MSR1: variants seen among roughly 807,000 people sequenced by gnomAD.
MSR1 encodes macrophage scavenger receptor 1, also known as macrophage scavenger receptor types I and II.
MSR1 carries 53 observed loss-of-function variants against 47.2 expected under a neutral mutation model. The ratio of observed to expected loss-of-function variants is 1.12; its 90% CI spans 0.90 to 1.41. The LOEUF (loss-of-function observed/expected upper bound fraction) is 1.41, where lower values mean the gene tolerates loss of function less well. Among genes scored for constraint, MSR1 ranks in the 40% most tolerant of loss-of-function variants. MSR1 has a pLI of 0.00. For missense variants in MSR1, 786 were observed against 546.9 expected, an observed-to-expected ratio of 1.44 and a Z score of -4.36; for synonymous variants, 239 against 185.6, an observed-to-expected ratio of 1.29 and a Z score of -2.34.
chr8:16,121,119 C>T, intron 8 of MSR1: 1 of 428,096 alleles, frequency 2.3e-6, no homozygotes, highest in Non-Finnish European at 4.6e-6. Flanking sequence ...AACAAGGGAA[C>T]TATAGTGACA....
rs35527152 is a variant in MSR1 at position 16,155,203 on chromosome 8, C to T, written c.818-59G>A. The T allele has an allele frequency of 3.9e-5, 50 of 1,276,532 alleles. No individual in the cohort carries two copies. The African/African-American group carries it at 6.7e-4, about 17-fold the overall frequency. 79.1% of individuals were successfully genotyped at this position (1,276,532 alleles called of 1,614,324 possible). ...TAAAGCATAGGAAAAATGGGTTAGT[C>T]ATCTGTCAAGGTACTTATATAAGGA... On this transcript the variant is annotated intron_variant, in intron 5 of 9. Transcript: ENST00000262101.
intron 7 of MSR1, 37 bp downstream of exon 7, chr8:16,150,194 A>T: frequency 2.3e-6 from 2 of 859,792 alleles, no homozygotes; most frequent in Non-Finnish European, 3.4e-6. Context: ...TGTTTCTTCT[A>T]CATATTCTAT....
chr8:16,127,952 G>A (rs959309919), intron 8 of MSR1, among the ~76,000 whole-genome samples: 4 of 152,120 alleles, frequency 2.6e-5, no homozygotes, highest in Admixed American at 2.6e-4. Context: ...GTTATTGTCT[G>A]TTTAAACAGC....
chr8:16,191,724 G>C (rs536136293), intron 1 of MSR1, among the ~76,000 whole-genome samples: 1 of 152,038 alleles, frequency 6.6e-6, no homozygotes, highest in East Asian at 1.9e-4. Context: ...GCATAAAACG[G>C]CTAATCACTG....
At chr8:16,185,605 T>G (rs1025115334) in intron 1 of MSR1, among the ~76,000 whole-genome samples, 2 of 152,102 alleles carry the variant, frequency 1.3e-5, no homozygotes, top group African/African-American at 4.8e-5. Context: ...GACCCATATC[T>G]GACTGCACAA....
At chr8:16,118,651 C>G (rs1433823877) in intron 9 of MSR1, among the ~76,000 whole-genome samples, 1 of 152,054 alleles carries the variant, frequency 6.6e-6, no homozygotes, top group East Asian at 1.9e-4. Context: ...GCACTCCAGC[C>G]TGGGTGACAG....
At position 16,120,615 on chromosome 8, in the gene MSR1, TTAA is replaced by T. The variant is rs1459454715; in HGVS notation, c.1034-12_1034-10del. Reference sequence around the variant, plus strand: ...AACTTTCGTAAATGGAGCTGTAAAGTTAAAAAAAAAAAAAAAAAAAAAAAAAGG... The same window carrying T: ...AACTTTCGTAAATGGAGCTGTAAAGTAAAAAAAAAAAAAAAAAAAAAAAGG... On this transcript the variant is annotated splice_polypyrimidine_tract_variant and intron_variant, in intron 8 of 9. Transcript: ENST00000262101. 306 of 1,333,944 alleles carry T rather than the reference TTAA, an allele frequency of 2.3e-4. 1 individual carries two copies. In the African/African-American group the frequency reaches 5.8e-3, roughly 25 times the overall value. 82.6% of individuals were successfully genotyped at this position (1,333,944 alleles called of 1,614,324 possible).
chr8:16,113,805 G>T (rs1799815865), intron 9 of MSR1, among the ~76,000 whole-genome samples: 1 of 152,176 alleles, frequency 6.6e-6, no homozygotes, highest in African/African-American at 2.4e-5. Context: ...TAAGTATAAA[G>T]GACTTGGAAG....
At chr8:16,119,779 C>T (rs568918265) in intron 9 of MSR1, among the ~76,000 whole-genome samples, 1 of 151,708 alleles carries the variant, frequency 6.6e-6, no homozygotes, top group Non-Finnish European at 1.5e-5. Context: ...GTGACCATAG[C>T]TCATGTAACC....
At chr8:16,121,116 G>C (rs1799995908) in intron 8 of MSR1, 1 of 424,892 alleles carries the variant, frequency 2.4e-6, no homozygotes, top group Non-Finnish European at 4.6e-6. Context: ...GGAAACAAGG[G>C]AACTATAGTG....
chr8:16,177,863 G>T (rs868587322), intron 2 of MSR1, 23 bp downstream of exon 2: 2 of 1,588,928 alleles, frequency 1.3e-6, no homozygotes, highest in Non-Finnish European at 1.7e-6. Context: ...ACCTCCATGG[G>T]CAGCCCATCC....
chr8:16,175,546 C>G (rs1461879329), intron 2 of MSR1, among the ~76,000 whole-genome samples: 2 of 152,136 alleles, frequency 1.3e-5, no homozygotes, highest in African/African-American at 4.8e-5. Flanking sequence ...TTACTGTGCT[C>G]TACAAGTTGT....
chr8:16,113,055 T>G (rs1799796314), intron 9 of MSR1, among the ~76,000 whole-genome samples: 1 of 151,340 alleles, frequency 6.6e-6, no homozygotes, highest in African/African-American at 2.4e-5. Context: ...GTTCAAATGA[T>G]TCTCCTGCCT....
chr8:16,175,363 T>C (rs1215282472), intron 2 of MSR1, 63 bp from the exon 3 acceptor site: 1 of 1,288,950 alleles, frequency 7.8e-7, no homozygotes, highest in East Asian at 2.3e-5. Flanking sequence ...TAATTAAAAT[T>C]GTTTTAATCT....
intron 7 of MSR1, among the ~76,000 whole-genome samples, chr8:16,148,240 T>G (rs1472867049): frequency 6.6e-6 from 1 of 152,148 alleles, no homozygotes; most frequent in African/African-American, 2.4e-5. Context: ...ATGCATTTTT[T>G]TTCTGTATCC....
At chr8:16,151,348 T>A (rs767989012) in intron 6 of MSR1, among the ~76,000 whole-genome samples, 2 of 152,108 alleles carry the variant, frequency 1.3e-5, no homozygotes, top group Non-Finnish European at 2.9e-5. Context: ...AATGAACAAA[T>A]AACTCTGTAA....
intron 8 of MSR1, 78 bp from the exon 9 acceptor site, chr8:16,120,684 T>A (rs1372047032): frequency 2.1e-6 from 3 of 1,454,926 alleles, no homozygotes; most frequent in Admixed American, 5.5e-5. Context: ...TTACAGCACT[T>A]TTTTTTTAAA....
chr8:16,169,463 C>G (rs1034466424), intron 3 of MSR1, among the ~76,000 whole-genome samples: 2 of 152,072 alleles, frequency 1.3e-5, no homozygotes, highest in African/African-American at 4.8e-5. Flanking sequence ...TGGGCAAATA[C>G]ATTTTTTCAC....
intron 6 of MSR1, among the ~76,000 whole-genome samples, chr8:16,151,531 A>G (rs925753135): frequency 3.3e-5 from 5 of 152,094 alleles, no homozygotes; most frequent in African/African-American, 1.2e-4. Context: ...ATTCCATAAG[A>G]TCAGATACCC....
Sources: gnomAD v4.1 joint callset for allele counts (sites outside exome capture counted in the v4.1 genomes callset) on GRCh38, gnomAD v4.1.1 for gene constraint, MANE v1.5 for transcripts, NCBI Gene and HGNC (gene_info 2026-07-23, HGNC 2026-07-21) for gene names.